The following CTC1 variants were observed in gnomAD, a reference collection of about 807,000 sequenced individuals.
The protein encoded by CTC1 is CST complex subunit CTC1.
A neutral mutation model predicts 136.3 loss-of-function variants in CTC1; 91 were observed. The ratio of observed to expected loss-of-function variants is 0.67; its 90% confidence interval spans 0.56 to 0.79. The LOEUF (loss-of-function observed/expected upper bound fraction) is 0.79, where lower values mean the gene tolerates loss of function less well. Among genes scored for constraint, CTC1 ranks in the 30% least tolerant of loss-of-function variants. The pLI, the probability that CTC1 is intolerant of heterozygous loss-of-function variation, is 0.00. For missense variants in CTC1, 1,432 were observed against 1,498.1 expected, an observed-to-expected ratio of 0.96 and a Z score of 0.73; for synonymous variants, 606 against 613.8, an observed-to-expected ratio of 0.99 and a Z score of 0.19.
rs2151511107 is a variant in CTC1 at position 8,232,435 on chromosome 17, C to T, written c.1986G>A (p.Glu662=). The T allele has an allele frequency of 6.2e-7, 1 of 1,614,160 alleles. No individual in the cohort carries two copies. Among genetic ancestry groups the T allele is most frequent in the East Asian group, 2.2e-5 (1 of 44,882 alleles). The change falls in exon 12 of 23, where the codon GAG becomes GAA. Residue 662 remains glutamate (E), a synonymous_variant. Coordinates refer to ENST00000651323, the MANE Select transcript of CTC1 (RefSeq NM_025099.6). ...AAGGGAAGCTGCTTCTCACGTCCCTCTCTACGATCAACTGAAACCTCTCTG... is the reference window on the plus strand; with the variant it reads ...AAGGGAAGCTGCTTCTCACGTCCCTTTCTACGATCAACTGAAACCTCTCTG... ...VRAERFQLIV[E]RDVRSSFPSW...
In CTC1 at chr17:8,230,631, G is replaced by T; in HGVS notation, c.2690C>A (p.Ser897Tyr). The change falls in exon 16 of 23, where the codon TCT (serine) becomes TAT (tyrosine). Residue 897 changes from serine to tyrosine, a missense_variant. By Grantham distance (144) the Ser-to-Tyr change is moderately radical. Transcript: ENST00000651323. ...CCGTGACAAAATCTCAGCGGAGAAA[G>T]ACACCAAGGAATCTGTGAAACTGGA... ...LSDNFTDSLV[S>Y]FSAEILSRTL... 1 of 1,614,138 alleles carries T rather than the reference G, an allele frequency of 6.2e-7. No homozygotes were observed. Among genetic ancestry groups the T allele is most frequent in the Non-Finnish European group, 8.5e-7 (1 of 1,180,000 alleles).
chr17:8,233,309 T>C (rs1987405546), intron 10 of CTC1: 1 of 363,756 alleles, frequency 2.7e-6, no homozygotes, highest in South Asian at 2.8e-5. Flanking sequence ...TTGATTTTAC[T>C]TTATATGCAC....
intron 5 of CTC1, among the ~76,000 whole-genome samples, chr17:8,236,887 T>C (rs1987774508): frequency 6.6e-6 from 1 of 152,200 alleles, no homozygotes; most frequent in Non-Finnish European, 1.5e-5. Context: ...GCTCAGTACC[T>C]GGGTAAAGAG....
intron 20 of CTC1, 118 bp downstream of exon 20, chr17:8,229,024 G>C: frequency 6.8e-7 from 1 of 1,464,994 alleles, no homozygotes; most frequent in Non-Finnish European, 9.4e-7. Context: ...TCATTCATTC[G>C]TTCAAAAAAT....
At chr17:8,235,327 C>T (rs1428590344) in intron 7 of CTC1, 42 bp from the exon 8 acceptor site, 2 of 1,463,864 alleles carry the variant, frequency 1.4e-6, no homozygotes. Context: ...AGATGAAGAC[C>T]CCAACTCAAT....
chr17:8,228,920 G>T (rs555293847), intron 20 of CTC1, 28 bp from the exon 21 acceptor site: 3 of 1,586,462 alleles, frequency 1.9e-6, no homozygotes, highest in African/African-American at 2.7e-5. Flanking sequence ...AAATAAAAAC[G>T]CCTATAGCAA....
Position 8,232,396 on chromosome 17 carries a change from C to T in CTC1, c.2025G>A (p.Leu675=). ...VRSSFPSWKE[L]SMPGFIQKQQ... is the part of the protein sequence containing the mutation. Reference sequence around the variant, plus strand: ...GCTTCTGGATGAAGCCTGGCATGCTCAGCTCCTTCCAGGAAGGGAAGCTGC... The same window carrying T: ...GCTTCTGGATGAAGCCTGGCATGCTTAGCTCCTTCCAGGAAGGGAAGCTGC... The change falls in exon 12 of 23, where the codon CTG becomes CTA. Residue 675 remains leucine (L), a synonymous_variant. Coordinates refer to ENST00000651323, the MANE Select transcript of CTC1 (RefSeq NM_025099.6). The T allele has an allele frequency of 6.2e-7, 1 of 1,614,164 alleles. No individual in the cohort carries two copies. The highest frequency in any genetic ancestry group is 8.5e-7 in the Non-Finnish European group (1 of 1,179,998).
At position 8,230,349 on chromosome 17, in the gene CTC1, C is replaced by T. The variant is rs2151503553; in HGVS notation, c.2878G>A (p.Gly960Arg). The change falls in exon 17 of 23, where the codon GGA (glycine) becomes AGA (arginine). Residue 960 changes from glycine (G) to arginine (R), a missense_variant. Coordinates refer to ENST00000651323, the MANE Select transcript of CTC1 (RefSeq NM_025099.6). ...IEDPHLPPSLGLLPGARVHFS... is the reference protein window; with the variant it reads ...IEDPHLPPSLRLLPGARVHFS... ...TGGACCCGGGCTCCTGGAAGTAGTC[C>T]TAGTGAGGGAGGCAAGTGTGGGTCT... 1 of 1,614,034 alleles carries T rather than the reference C, an allele frequency of 6.2e-7. No homozygotes were observed. Among genetic ancestry groups the T allele is most frequent in the South Asian group, 1.1e-5 (1 of 91,072 alleles).
rs1987159411 is a variant in CTC1, at chr17:8,230,894, T to C, written c.2670-243A>G. On this transcript the variant is annotated intron_variant, in intron 15 of 22. Coordinates refer to ENST00000651323, the MANE Select transcript of CTC1 (RefSeq NM_025099.6). ...CTCACGCCCCTAAATCCCAGCACTTTGGGAGGCTGAGGTGGGAGGCTCACT... is the reference window on the plus strand; with the variant it reads ...CTCACGCCCCTAAATCCCAGCACTTCGGGAGGCTGAGGTGGGAGGCTCACT... 2.1e-5 allele frequency: 11 copies of C among 531,458 alleles called. No individual in the cohort carries two copies. In the East Asian group the frequency reaches 3.2e-4, roughly 15 times the overall value. The allele number at this position is 531,458 out of a possible 1,614,324, so 32.9% of individuals were successfully genotyped here. A position where few individuals can be genotyped will look rare whatever the true frequency, so the allele number is the denominator to read the frequency against.
chr17:8,226,224 C>T lies in CTC1; in HGVS notation c.*1956G>A, dbSNP rs570074115. 1 of 152,380 alleles carries T rather than the reference C, an allele frequency of 6.6e-6. No individual in the cohort carries two copies. Among genetic ancestry groups the T allele is most frequent in the South Asian group, 2.1e-4 (1 of 4,832 alleles). The allele number at this position is 152,380 out of a possible 1,614,324, so 9.4% of individuals were successfully genotyped here. A position where few individuals can be genotyped will look rare whatever the true frequency, so the allele number is the denominator to read the frequency against. On this transcript the variant is annotated 3_prime_UTR_variant, in exon 23 of 23. Transcript: ENST00000651323. ...ATTTAGCCGCAAAATCACGCTGTTTCAATTGAATAAAGGCACCGCTGGGAT... is the reference window on the plus strand; with the variant it reads ...ATTTAGCCGCAAAATCACGCTGTTTTAATTGAATAAAGGCACCGCTGGGAT...
Position 8,231,348 on chromosome 17 carries a change from T to A in CTC1, c.2597A>T (p.Gln866Leu). ...DNWTLELESS[Q>L]DIQDVLDANK... ...TGCATCCAGCACATCTTGGATATCC[T>A]GGGAGCTTTCAAGCTCCAGAGTCCA... is the stretch of plus-strand genomic sequence containing the variant. Residue 866 changes from glutamine to leucine, a missense_variant, in exon 15 of 23, where the codon CAG becomes CTG. Gln to Leu is a moderately radical substitution (Grantham distance 113). Transcript: ENST00000651323. The A allele has an allele frequency of 6.2e-7, 1 of 1,611,602 alleles. No homozygotes were observed.
chr17:8,229,930 T>C lies in CTC1; in HGVS notation c.2972A>G (p.Tyr991Cys), dbSNP rs1471047572. Residue 991 changes from tyrosine to cysteine, a missense_variant, in exon 18 of 23, where the codon TAT becomes TGT. Tyr to Cys is a radical substitution (Grantham distance 194). Coordinates refer to ENST00000651323, the MANE Select transcript of CTC1 (RefSeq NM_025099.6). Reference protein sequence around the residue: ...NVYCCFRSSTYVQVLSFPPET... With the variant: ...NVYCCFRSSTCVQVLSFPPET... ...AGGGGGAAAACTCAGGACCTGCACA[T>C]AAGTGGATGACCGGAAACAACAATA... 6.2e-7 allele frequency: 1 copy of C among 1,613,848 alleles called. No individual in the cohort carries two copies. The highest frequency in any genetic ancestry group is 1.7e-5 in the Admixed American group (1 of 59,970).
intron 2 of CTC1, among the ~76,000 whole-genome samples, chr17:8,242,002 T>C (rs1194429136): frequency 2.6e-5 from 4 of 152,016 alleles, no homozygotes; most frequent in Non-Finnish European, 5.9e-5. Flanking sequence ...ATTGGAATAA[T>C]ATATCCCATC....
chr17:8,235,811 T>C lies in CTC1; in HGVS notation c.1206+20A>G. 1 of 1,576,288 alleles carries C rather than the reference T, an allele frequency of 6.3e-7. No homozygotes were observed. Among genetic ancestry groups the C allele is most frequent in the Non-Finnish European group, 8.6e-7 (1 of 1,156,850 alleles). ...AAGCTGCAGAGGTCTCTTTTTGTTA[T>C]CAGCCCTGATCTCACATACCTGCAG... On this transcript the variant is annotated intron_variant, in intron 7 of 22. Coordinates refer to ENST00000651323, the MANE Select transcript of CTC1 (RefSeq NM_025099.6).
At position 8,236,291 on chromosome 17, in the gene CTC1, C is replaced by T. The variant is rs1485179253; in HGVS notation, c.844G>A (p.Val282Met). 1.2e-6 allele frequency: 2 copies of T among 1,613,078 alleles called. No individual in the cohort carries two copies. Among genetic ancestry groups the T allele is most frequent in the Admixed American group, 3.3e-5 (2 of 60,004 alleles). ...HRALRPGTAYVLTELRVSKIR... is the reference protein window; with the variant it reads ...HRALRPGTAYMLTELRVSKIR... ...TTGGACACTCGCAGTTCTGTCAGCACATAGGCTGTACCAGGCCGAAGGGCT... is the reference window on the plus strand; with the variant it reads ...TTGGACACTCGCAGTTCTGTCAGCATATAGGCTGTACCAGGCCGAAGGGCT... The change falls in exon 6 of 23, where the codon GTG (valine) becomes ATG (methionine). Residue 282 changes from valine (V) to methionine (M), a missense_variant. By Grantham distance (21) the Val-to-Met change is conservative (BLOSUM62 1). Coordinates refer to ENST00000651323, the MANE Select transcript of CTC1 (RefSeq NM_025099.6).
intron 4 of CTC1, 112 bp from the exon 5 acceptor site, chr17:8,237,631 C>T: frequency 4.4e-6 from 2 of 452,558 alleles, no homozygotes; most frequent in East Asian, 4.6e-5. Context: ...CGCCATTGGA[C>T]TCCAGCCTGG....
rs1567600751 is a variant in CTC1 at position 8,230,413 on chromosome 17, A to G, written c.2814T>C (p.Ala938=). The change falls in exon 17 of 23, where the codon GCT becomes GCC. Residue 938 remains alanine (A), a synonymous_variant. Coordinates refer to ENST00000651323, the MANE Select transcript of CTC1 (RefSeq NM_025099.6). ...CCAGGTGAGGGGGGAATTCACATTC[A>G]GCAGTCTCAAGAGCGACTGTTAGCT... is the stretch of plus-strand genomic sequence containing the variant. ...CVKLTVALET[A]ECEFPPHLDV... is the part of the protein sequence containing the mutation. The G allele has an allele frequency of 1.2e-6, 2 of 1,614,176 alleles. No individual in the cohort carries two copies. The highest frequency in any genetic ancestry group is 1.7e-6 in the Non-Finnish European group (2 of 1,180,020).
chr17:8,242,545 AAAAAAAAAATATATAT>A (rs1301939572), intron 2 of CTC1, among the ~76,000 whole-genome samples: 1 of 95,008 alleles, frequency 1.1e-5, no homozygotes, highest in African/African-American at 3.4e-5. Flanking sequence ...AAAAAAAAAA[AAAAAAAAAATATATAT>A]ATATATATAT....
At chr17:8,230,077 A>G in intron 17 of CTC1, 109 bp from the exon 18 acceptor site, 1 of 1,115,348 alleles carries the variant, frequency 9.0e-7, no homozygotes, top group Non-Finnish European at 1.3e-6. Flanking sequence ...CCTGAGGGAC[A>G]TATCCTAGCC....
Sources: allele counts gnomAD v4.1 joint callset (sites outside exome capture counted in the v4.1 genomes callset), GRCh38; gene constraint gnomAD v4.1.1; transcripts MANE v1.5; gene names NCBI Gene and HGNC (gene_info 2026-07-23, HGNC 2026-07-21).